Variants in ELAVL4 observed in about 807,000 individuals in gnomAD.
ELAVL4 encodes the protein ELAV-like protein 4.
A neutral mutation model predicts 35.6 loss-of-function variants in ELAVL4; 1 was observed. The ratio of observed to expected loss-of-function variants is 0.03; its 90% CI spans 0.01 to 0.13. The LOEUF (loss-of-function observed/expected upper bound fraction) is 0.13. ELAVL4 is among the 10% of genes least tolerant of loss of function. The probability of loss-of-function intolerance (pLI) is 1.00; values close to 1 mark genes in which losing one functional copy is unlikely to be tolerated. For synonymous variants in ELAVL4, 156 were observed against 171.0 expected, an observed-to-expected ratio of 0.91 and a Z score of 0.69; for missense variants, 267 against 464.9, an observed-to-expected ratio of 0.57 and a Z score of 3.91.
chr1:50,199,837 C>T (rs961305385), intron 6 of ELAVL4, among the ~76,000 whole-genome samples: 10 of 152,178 alleles, frequency 6.6e-5, no homozygotes, highest in African/African-American at 2.4e-4. Context: ...TCATCTGGTA[C>T]ATCCCTCACA....
chr1:50,082,130 C>T (rs1313447930), intron 1 of ELAVL4, among the ~76,000 whole-genome samples: 1 of 152,162 alleles, frequency 6.6e-6, no homozygotes, highest in Non-Finnish European at 1.5e-5. Context: ...AACAGTGCCA[C>T]AATAAACATA....
At chr1:50,145,326 T>G (rs531873696) in intron 2 of ELAVL4, 129 bp downstream of exon 2, 1 of 1,376,224 alleles carries the variant, frequency 7.3e-7, no homozygotes, top group African/African-American at 1.4e-5. Flanking sequence ...GGATACACAG[T>G]CATAAACTCA....
intron 1 of ELAVL4, among the ~76,000 whole-genome samples, chr1:50,087,160 C>T (rs1430394201): frequency 6.6e-6 from 1 of 152,194 alleles, no homozygotes; most frequent in African/African-American, 2.4e-5. Context: ...TAATCTTTTT[C>T]TAATCACTGT....
intron 2 of ELAVL4, among the ~76,000 whole-genome samples, chr1:50,169,046 C>A (rs1678511686): frequency 6.6e-6 from 1 of 151,494 alleles, no homozygotes; most frequent in Non-Finnish European, 1.5e-5. Flanking sequence ...CAGGGTCCCA[C>A]AACAGGTTGT....
chr1:50,067,690 T>A (rs1664326443), intron 1 of ELAVL4, among the ~76,000 whole-genome samples: 1 of 152,224 alleles, frequency 6.6e-6, no homozygotes, highest in South Asian at 2.1e-4. Context: ...AATAACAAGC[T>A]TATTGTATTA....
chr1:50,102,685 T>A (rs1441726346), upstream of ELAVL4, among the ~76,000 whole-genome samples: 1 of 152,218 alleles, frequency 6.6e-6, no homozygotes, highest in East Asian at 1.9e-4. Flanking sequence ...TAAAAATTTA[T>A]ACATATACCA....
chr1:50,176,738 C>A (rs957573903), intron 2 of ELAVL4, among the ~76,000 whole-genome samples: 2 of 152,226 alleles, frequency 1.3e-5, no homozygotes, highest in African/African-American at 4.8e-5. Flanking sequence ...CAGTTTAAGT[C>A]TCTTCTGACA....
chr1:50,087,597 A>G (rs988527200), intron 1 of ELAVL4, among the ~76,000 whole-genome samples: 1 of 152,208 alleles, frequency 6.6e-6, no homozygotes, highest in Non-Finnish European at 1.5e-5. Flanking sequence ...TGTGGACTAA[A>G]TTGTGTCTTC....
intron 1 of ELAVL4, among the ~76,000 whole-genome samples, chr1:50,077,623 C>T (rs1287927261): frequency 6.6e-6 from 1 of 152,156 alleles, no homozygotes; most frequent in Non-Finnish European, 1.5e-5. Context: ...TCTGGTCACC[C>T]TGTGACCCAG....
chr1:50,119,036 A>AAAAGAAAGAAAGAAAGAAAGAAAG (rs531184149), intron 1 of ELAVL4, among the ~76,000 whole-genome samples: 2 of 127,174 alleles, frequency 1.6e-5, no homozygotes, highest in Admixed American at 1.7e-4. Flanking sequence ...GAAAGAAAGA[A>AAAAGAAAGAAAGAAAGAAAGAAAG]AAAGAAAGAA....
chr1:50,100,400 G>T (rs552037274), upstream of ELAVL4, among the ~76,000 whole-genome samples: 1 of 152,244 alleles, frequency 6.6e-6, no homozygotes, highest in East Asian at 1.9e-4. Flanking sequence ...AGGGGTTCTG[G>T]CTAGGATGCG....
At chr1:50,118,260 C>T (rs1419737686) in intron 1 of ELAVL4, among the ~76,000 whole-genome samples, 1 of 151,932 alleles carries the variant, frequency 6.6e-6, no homozygotes, top group East Asian at 1.9e-4. Flanking sequence ...CCTTGTTTTC[C>T]CAATAGGCTG....
rs531978008 is a variant in ELAVL4 at position 50,203,617 on chromosome 1, T to G, written c.*2439T>G. 6.6e-6 allele frequency: 1 copy of G among 152,198 alleles called. No homozygotes were observed. The highest frequency in any genetic ancestry group is 6.5e-5 in the Admixed American group (1 of 15,274). The allele number at this position is 152,198 out of a possible 1,614,324, so 9.4% of individuals were successfully genotyped here. On this transcript the variant is annotated 3_prime_UTR_variant, in exon 7 of 7. Coordinates refer to ENST00000371824, the MANE Select transcript of ELAVL4 (RefSeq NM_001144774.3). ...AAAATCTTAGGACCAGGCAGTTGTA[T>G]ACTTTAGTTATTAATGAATGACTTC... is the stretch of plus-strand genomic sequence containing the variant.
chr1:50,166,776 A>C (rs1302862460), intron 2 of ELAVL4, among the ~76,000 whole-genome samples: 4 of 152,186 alleles, frequency 2.6e-5, no homozygotes, highest in Non-Finnish European at 5.9e-5. Flanking sequence ...GGAGTAGTAG[A>C]CTAATTTCAT....
At chr1:50,054,444 A>G (rs188834301) in intron 1 of ELAVL4, among the ~76,000 whole-genome samples, 3 of 152,000 alleles carry the variant, frequency 2.0e-5, no homozygotes, top group Non-Finnish European at 4.4e-5. Context: ...TTTCTGTTTG[A>G]TTTTTGTCCT....
intron 3 of ELAVL4, among the ~76,000 whole-genome samples, chr1:50,184,587 C>T (rs1228232349): frequency 6.6e-6 from 1 of 152,184 alleles, no homozygotes; most frequent in African/African-American, 2.4e-5. Context: ...GAAGTCTCTG[C>T]ACCCACCCAC....
intron 1 of ELAVL4, among the ~76,000 whole-genome samples, chr1:50,134,954 G>A (rs1443525858): frequency 6.6e-6 from 1 of 152,122 alleles, no homozygotes; most frequent in Non-Finnish European, 1.5e-5. Flanking sequence ...AGGGGAAATG[G>A]GTGTGATGTG....
Position 50,088,661 on chromosome 1 carries a change from G to A in ELAVL4, c.18+40479G>A, listed in dbSNP as rs141614744. ...TTGAAATCAAAGAAAGCCAACTGCT[G>A]GCCTGAAGGTCTTGGCAGAATGGTA... On this transcript the variant is annotated intron_variant, in intron 1 of 6. Transcript: ENST00000448907. 6.6e-5 allele frequency among the ~76,000 whole-genome samples: 10 copies of A among 152,270 alleles called. No homozygotes were observed. The East Asian group carries it at 1.9e-3, about 29-fold the overall frequency.
intron 1 of ELAVL4, among the ~76,000 whole-genome samples, chr1:50,128,498 T>C (rs1670319285): frequency 6.6e-6 from 1 of 152,088 alleles, no homozygotes; most frequent in Non-Finnish European, 1.5e-5. Flanking sequence ...TCCCTGGGAT[T>C]ACAAATGAAT....
Sources: allele counts gnomAD v4.1 joint callset (sites outside exome capture counted in the v4.1 genomes callset), GRCh38; gene constraint gnomAD v4.1.1; transcripts MANE v1.5; gene names NCBI Gene and HGNC (gene_info 2026-07-23, HGNC 2026-07-21).